SYNE2: variants seen among roughly 807,000 people sequenced by gnomAD.
SYNE2 encodes the protein spectrin repeat containing nuclear envelope protein 2.
A neutral mutation model predicts 856.3 loss-of-function variants in SYNE2; 431 were observed. That is an observed-to-expected ratio of 0.50 (90% CI 0.47 to 0.55). SYNE2 has a LOEUF of 0.55. Ranked by LOEUF, SYNE2 falls within the 20% of genes least tolerant of loss-of-function variation. The pLI, the probability that SYNE2 is intolerant of heterozygous loss-of-function variation, is 0.00. For synonymous variants in SYNE2, 2,923 were observed against 2,872.3 expected (o/e 1.02, Z -0.56); for missense variants, 8,129 against 8,023.2 (o/e 1.01, Z -0.50).
chr14:63,892,747 G>C (rs1277607659), intron 1 of SYNE2, among the ~76,000 whole-genome samples: 1 of 55,670 alleles, frequency 1.8e-5, no homozygotes, highest in Non-Finnish European at 4.0e-5. Context: ...TTTTTTTTTT[G>C]TTGTAGAGAC....
chr14:63,885,860 C>T (rs1196516482), intron 1 of SYNE2, among the ~76,000 whole-genome samples: 3 of 152,158 alleles, frequency 2.0e-5, no homozygotes, highest in Non-Finnish European at 4.4e-5. Flanking sequence ...CGGTTAGGTA[C>T]CAGGGTCATC....
chr14:64,112,345 A>G (rs999531218), intron 65 of SYNE2, among the ~76,000 whole-genome samples: 11 of 152,244 alleles, frequency 7.2e-5, no homozygotes, highest in Non-Finnish European at 1.5e-5. Flanking sequence ...AATCAATAAA[A>G]TATTTTTTGA....
intron 62 of SYNE2, 119 bp from the exon 63 acceptor site, chr14:64,098,628 G>A: frequency 1.0e-6 from 1 of 962,278 alleles, no homozygotes. Context: ...TTCTTGTGGG[G>A]GTGGGCATCT....
chr14:63,825,288 G>A (rs944808856), intron 1 of SYNE2, among the ~76,000 whole-genome samples: 1 of 151,612 alleles, frequency 6.6e-6, no homozygotes, highest in African/African-American at 2.4e-5. Flanking sequence ...AAATTACCAA[G>A]GTTGGAAGGA....
intron 108 of SYNE2, 59 bp downstream of exon 108, chr14:64,216,446 A>AAG: frequency 6.3e-7 from 1 of 1,586,622 alleles, no homozygotes; most frequent in Non-Finnish European, 8.7e-7. Context: ...TTACATTTGC[A>AAG]AGAGAGAGAG....
At chr14:64,161,868 A>T (rs911637056) in intron 87 of SYNE2, among the ~76,000 whole-genome samples, 2 of 152,172 alleles carry the variant, frequency 1.3e-5, no homozygotes, top group African/African-American at 4.8e-5. Context: ...GTGCAATATT[A>T]TAAAGTCAAG....
At chr14:64,161,740 C>CAAA (rs903391848) in intron 87 of SYNE2, among the ~76,000 whole-genome samples, 4 of 56,274 alleles carry the variant, frequency 7.1e-5, no homozygotes, top group African/African-American at 2.2e-4. Context: ...CCTGTCTCTA[C>CAAA]AAAAAAAAAA....
intron 101 of SYNE2, 153 bp downstream of exon 101, chr14:64,209,098 C>A: frequency 9.3e-7 from 1 of 1,080,076 alleles, no homozygotes; most frequent in Non-Finnish European, 1.4e-6. Context: ...AGGATTTATT[C>A]AAGAAAAATG....
At position 64,159,858 on chromosome 14, in the gene SYNE2, G is replaced by A. The variant is rs1455177703; in HGVS notation, c.16094+416G>A. Among the ~76,000 whole-genome samples the A allele has an allele frequency of 4.6e-5, 7 of 152,302 alleles. No individual in the cohort carries two copies. In the South Asian group the frequency reaches 1.0e-3, roughly 23 times the overall value. On this transcript the variant is annotated intron_variant, in intron 87 of 115. Transcript: ENST00000555002. ...AGGGGATGTTAGAGTATCTGTTGCG[G>A]AGGGCATTTGTGGGTTTGGAAGGAA...
In SYNE2 at chr14:64,051,632, T is replaced by C. The variant is rs751064212; in HGVS notation, c.7719T>C (p.Ser2573=). ...FIASIEKEKD[S]LGNLKIKWEN... The stretch of plus-strand genomic sequence containing the variant: ...CATCCATAGAAAAAGAGAAAGATTC[T>C]TTAGGCAACTTGAAAATCAAATGGG... Residue 2573 remains serine, a synonymous_variant, in exon 48 of 116, where the codon TCT becomes TCC. Transcript: ENST00000555002. 3 of 1,614,028 alleles carry C rather than the reference T, an allele frequency of 1.9e-6. No individual in the cohort carries two copies. The highest frequency in any genetic ancestry group is 2.5e-6 in the Non-Finnish European group (3 of 1,179,990).
At position 64,107,534 on chromosome 14, in the gene SYNE2, A is replaced by G; in HGVS notation, c.12536A>G (p.Gln4179Arg). The G allele has an allele frequency of 6.2e-7, 1 of 1,614,220 alleles. No individual in the cohort carries two copies. Among genetic ancestry groups the G allele is most frequent in the Middle Eastern group, 1.6e-4 (1 of 6,062 alleles). Residue 4179 changes from glutamine (Q) to arginine (R), a missense_variant, in exon 65 of 116, where the codon CAA becomes CGA. Gln to Arg is a conservative substitution (Grantham distance 43). Coordinates refer to ENST00000555002, the MANE Select transcript of SYNE2 (RefSeq NM_182914.3). ...KISTSDNSMA[Q>R]ILTPDSLNTE... ...AGCACCTCTGATAATTCCATGGCACAAATCCTCACACCAGACTCACTAAAC... is the reference window on the plus strand; with the variant it reads ...AGCACCTCTGATAATTCCATGGCACGAATCCTCACACCAGACTCACTAAAC...
intron 43 of SYNE2, 130 bp from the exon 44 acceptor site, chr14:64,029,765 C>G: frequency 8.8e-7 from 1 of 1,132,718 alleles, no homozygotes; most frequent in Non-Finnish European, 1.3e-6. Flanking sequence ...CTTTAGAACT[C>G]TAATTTATAG....
At chr14:64,089,079 TC>T (rs2097584875) in intron 58 of SYNE2, among the ~76,000 whole-genome samples, 7 of 152,076 alleles carry the variant, frequency 4.6e-5, no homozygotes, top group Admixed American at 4.6e-4. Flanking sequence ...GTTTTGTTGG[TC>T]CCTGGCCAGG....
intron 92 of SYNE2, among the ~76,000 whole-genome samples, chr14:64,168,325 A>T (rs952030194): frequency 1.3e-5 from 2 of 152,180 alleles, no homozygotes; most frequent in African/African-American, 2.4e-5. Context: ...CTGGTCTCGA[A>T]CTTCTGACCT....
intron 1 of SYNE2, among the ~76,000 whole-genome samples, chr14:63,771,365 C>T (rs934206310): frequency 2.6e-5 from 4 of 151,940 alleles, no homozygotes; most frequent in African/African-American, 4.8e-5. Flanking sequence ...CCACCGCGCC[C>T]GGCCCCTTAT....
In SYNE2 at chr14:64,021,349, A is replaced by G. The variant is rs1367866324; in HGVS notation, c.5186A>G (p.His1729Arg). ...MESSILNKME[H>R]VQKCLTGESN... ...TCCTCTATTTTGAACAAGATGGAAC[A>G]TGTACAGAAGTGCTTAACAGGAGAA... Residue 1729 changes from histidine to arginine, a missense_variant, in exon 36 of 116, where the codon CAT (histidine) becomes CGT (arginine). His to Arg is a conservative substitution (Grantham distance 29). Transcript: ENST00000555002. 6.2e-7 allele frequency: 1 copy of G among 1,614,178 alleles called. No individual in the cohort carries two copies. Among genetic ancestry groups the G allele is most frequent in the South Asian group, 1.1e-5 (1 of 91,086 alleles).
At chr14:63,885,810 C>A (rs192654840) in intron 1 of SYNE2, among the ~76,000 whole-genome samples, 1 of 152,306 alleles carries the variant, frequency 6.6e-6, no homozygotes, top group East Asian at 1.9e-4. Context: ...CAACAATATT[C>A]AGCTTGCATT....
Position 64,134,132 on chromosome 14 carries a change from A to G in SYNE2, c.14578A>G (p.Thr4860Ala), listed in dbSNP as rs1160022787. The G allele has an allele frequency of 1.2e-6, 2 of 1,613,966 alleles. No individual in the cohort carries two copies. The highest frequency in any genetic ancestry group is 2.2e-5 in the East Asian group (1 of 44,868). ...AAAGGACCTGGAAATTCTTATATCT[A>G]CATTGCCCTCTGTGAGTTTGGTGGA... ...LEKDLEILIS[T>A]LPSVSLVEET... The change falls in exon 78 of 116, where the codon ACA becomes GCA. Residue 4860 changes from threonine (T) to alanine (A), a missense_variant. Around this residue, in one of 3 missense-constraint regions of SYNE2, gnomAD observed 5,410 missense variants for 5,284.8 expected, o/e 1.02. Transcript: ENST00000555002.
intron 1 of SYNE2, among the ~76,000 whole-genome samples, chr14:63,904,955 T>G (rs907652925): frequency 1.3e-5 from 2 of 152,194 alleles, no homozygotes; most frequent in Admixed American, 1.3e-4. Flanking sequence ...CATTTAAATC[T>G]TTTATCTATG....
Sources: gnomAD v4.1 joint callset for allele counts (sites outside exome capture counted in the v4.1 genomes callset) on GRCh38, gnomAD v4.1.1 for gene constraint, gnomAD v4.1.1 regional missense constraint, MANE v1.5 for transcripts, NCBI Gene and HGNC (gene_info 2026-07-23, HGNC 2026-07-21) for gene names.